Variants in NOP58 observed in about 807,000 individuals in gnomAD.
NOP58 encodes NOP58 ribonucleoprotein.
Under a neutral mutation model 71.2 loss-of-function variants are expected in NOP58, and 44 were observed. The observed-to-expected ratio is 0.62, with a 90% confidence interval of 0.49 to 0.79. NOP58 has a LOEUF of 0.79. Ranked by LOEUF, NOP58 falls within the 30% of genes least tolerant of loss-of-function variation. NOP58 has a pLI of 0.00. For missense variants in NOP58, 538 were observed against 620.2 expected (o/e 0.87, Z 1.41); for synonymous variants, 228 against 200.3 (o/e 1.14, Z -1.17).
At chr2:202,303,115 A>T (rs567138247) in intron 14 of NOP58, 58 bp downstream of exon 14, 1 of 1,545,442 alleles carries the variant, frequency 6.5e-7, no homozygotes, top group South Asian at 1.2e-5. Context: ...CTATATTTCA[A>T]TCTATTTTCT....
chr2:202,297,776 G>T, intron 11 of NOP58, 69 bp from the exon 12 acceptor site: 1 of 965,550 alleles, frequency 1.0e-6, no homozygotes, highest in African/African-American at 1.7e-5. Context: ...TGATTCACTA[G>T]ACTGTATAGT....
chr2:202,301,607 C>T (rs566334592), intron 13 of NOP58, among the ~76,000 whole-genome samples: 4 of 152,366 alleles, frequency 2.6e-5, no homozygotes, highest in Admixed American at 2.6e-4. Context: ...GTAGTAGCCA[C>T]AGTGGAACCA....
intron 3 of NOP58, among the ~76,000 whole-genome samples, chr2:202,278,730 G>A (rs749581849): frequency 7.2e-5 from 11 of 152,098 alleles, no homozygotes; most frequent in South Asian, 2.1e-4. Flanking sequence ...ACTATTTGGC[G>A]GTGTAGTTTG....
In NOP58 at chr2:202,303,428, G is replaced by A. The variant is rs770599887; in HGVS notation, c.1582G>A (p.Glu528Lys). 1.4e-5 allele frequency: 23 copies of A among 1,610,316 alleles called. No homozygotes were observed. The highest frequency in any genetic ancestry group is 1.1e-4 in the South Asian group (10 of 90,824). ...KKKKKKKRENED is the reference protein window; with the variant it reads ...KKKKKKKRENKD ...GAAAAAGAAAAAAAAGAGAGAGAAC[G>A]AGGATTAACAGAAAGGAATTACGAT... Residue 528 changes from glutamate to lysine, a missense_variant, in exon 15 of 15, where the codon GAG becomes AAG. Glu to Lys is a moderately conservative substitution (Grantham distance 56). Transcript: ENST00000264279.
intron 1 of NOP58, 131 bp downstream of exon 1, chr2:202,266,117 G>C: frequency 9.5e-7 from 1 of 1,052,992 alleles, no homozygotes; most frequent in African/African-American, 1.6e-5. Context: ...GGAGGAGGGA[G>C]AAGGCCTTTA....
intron 9 of NOP58, among the ~76,000 whole-genome samples, chr2:202,294,962 C>T (rs1422062575): frequency 7.0e-6 from 1 of 142,934 alleles, no homozygotes; most frequent in Non-Finnish European, 1.5e-5. Flanking sequence ...GAAACTCTAT[C>T]TCAAAAAAAA....
intron 1 of NOP58, among the ~76,000 whole-genome samples, chr2:202,268,912 AG>A (rs1454243843): frequency 1.3e-5 from 2 of 151,042 alleles, no homozygotes; most frequent in African/African-American, 4.9e-5. Context: ...CTGGCCTTGA[AG>A]TTTTTTTTAA....
intron 8 of NOP58, among the ~76,000 whole-genome samples, chr2:202,292,535 G>A (rs1004590513): frequency 1.1e-4 from 16 of 152,006 alleles, no homozygotes; most frequent in African/African-American, 3.9e-4. Context: ...CTACTCCAGA[G>A]GCTGAGGCAG....
rs763592307 is a variant in NOP58, at chr2:202,284,374, T to C, written c.327T>C (p.Ser109=). ...KEKLNLSCIH[S]PVVNELMRGI... ...AGCTGAATCTCAGTTGTATCCATAG[T>C]CCTGTTGTTAATGAACTTATGAGAG... Residue 109 remains serine, a synonymous_variant, in exon 5 of 15, where the codon AGT becomes AGC. Coordinates refer to ENST00000264279, the MANE Select transcript of NOP58 (RefSeq NM_015934.5). The C allele has an allele frequency of 6.8e-6, 11 of 1,612,902 alleles. No homozygotes were observed. In the Admixed American group the frequency reaches 1.8e-4, roughly 27 times the overall value.
chr2:202,276,384 C>A, intron 2 of NOP58: 2 of 391,856 alleles, frequency 5.1e-6, no homozygotes, highest in Admixed American at 2.6e-5. Context: ...AACTAGAAGA[C>A]TAGTTTTCCT....
chr2:202,273,017 C>T (rs1262196979), intron 1 of NOP58, among the ~76,000 whole-genome samples: 1 of 152,100 alleles, frequency 6.6e-6, no homozygotes, highest in Admixed American at 6.6e-5. Context: ...GCCTGTAGTC[C>T]TGGAGGCTGA....
rs79056245 is a variant in NOP58, at chr2:202,294,040, C to T, written c.907+1137C>T. On this transcript the variant is annotated intron_variant, in intron 9 of 14. Transcript: ENST00000264279. ...TAGAAGTATGTATTTGTTGGCCAGGCGTGGTGGCTCACGCCTGTAATCCCA... is the reference window on the plus strand; with the variant it reads ...TAGAAGTATGTATTTGTTGGCCAGGTGTGGTGGCTCACGCCTGTAATCCCA... Among the ~76,000 whole-genome samples the T allele has an allele frequency of 3.0e-4, 45 of 151,366 alleles. 1 individual carries two copies. The highest frequency in any genetic ancestry group is 2.4e-3 in the Admixed American group (37 of 15,208).
chr2:202,291,741 A>G (rs1485294464), intron 8 of NOP58, among the ~76,000 whole-genome samples: 4 of 123,984 alleles, frequency 3.2e-5, no homozygotes, highest in Non-Finnish European at 4.8e-5. Flanking sequence ...AGGGAGGGGG[A>G]GGTTGCAGTG....
At chr2:202,302,178 C>T (rs992482530) in intron 13 of NOP58, among the ~76,000 whole-genome samples, 6 of 149,098 alleles carry the variant, frequency 4.0e-5, no homozygotes, top group Admixed American at 6.8e-5. Context: ...GCCTCCGCCT[C>T]CTGGGTTCAA....
chr2:202,276,310 A>G, intron 2 of NOP58: 1 of 242,608 alleles, frequency 4.1e-6, no homozygotes, highest in South Asian at 4.1e-5. Flanking sequence ...ACTGCACTCC[A>G]GTCTGGGTGT....
intron 10 of NOP58, among the ~76,000 whole-genome samples, chr2:202,296,706 C>T (rs1354428843): frequency 7.4e-6 from 1 of 134,928 alleles, no homozygotes; most frequent in African/African-American, 2.7e-5. Context: ...TGAAAAAGAA[C>T]CCACGCTTTT....
intron 9 of NOP58, among the ~76,000 whole-genome samples, chr2:202,293,746 A>G (rs573141017): frequency 1.3e-5 from 2 of 152,014 alleles, no homozygotes; most frequent in Non-Finnish European, 2.9e-5. Flanking sequence ...GCTAATTTTT[A>G]TATTTTTAGT....
In NOP58 at chr2:202,282,364, G is replaced by C; in HGVS notation, c.189G>C (p.Leu63=). Residue 63 remains leucine, a synonymous_variant, in exon 4 of 15, where the codon CTG becomes CTC. Transcript: ENST00000264279. The part of the protein sequence containing the change: ...TAEALAAFTA[L]MEGKINKQLK... The stretch of plus-strand genomic sequence containing the variant: ...TTTCTTGAAAAGCATTCACAGCTCT[G>C]ATGGAGGGCAAAATCAATAAGCAGC... 6.2e-7 allele frequency: 1 copy of C among 1,611,198 alleles called. No homozygotes were observed. The highest frequency in any genetic ancestry group is 1.1e-5 in the South Asian group (1 of 90,410).
At chr2:202,290,927 T>C (rs539517129) in intron 7 of NOP58, 198 bp from the exon 8 acceptor site, 2 of 457,682 alleles carry the variant, frequency 4.4e-6, no homozygotes, top group Non-Finnish European at 7.6e-6. Context: ...TGGAAGAAGG[T>C]GGTGGGGAGA....
Sources: allele counts gnomAD v4.1 joint callset (sites outside exome capture counted in the v4.1 genomes callset), GRCh38; gene constraint gnomAD v4.1.1; transcripts MANE v1.5; gene names NCBI Gene and HGNC (gene_info 2026-07-23, HGNC 2026-07-21).